Variants in PHKB observed in about 807,000 individuals in gnomAD.
The protein encoded by PHKB is phosphorylase b kinase regulatory subunit beta.
PHKB carries 122 observed loss-of-function variants against 152.1 expected under a neutral mutation model. The observed-to-expected ratio is 0.80, with a 90% CI of 0.69 to 0.93. The LOEUF (loss-of-function observed/expected upper bound fraction) is 0.93, where lower values mean the gene tolerates loss of function less well. Among genes scored for constraint, PHKB ranks in the 40% least tolerant of loss-of-function variants. The pLI is 0.00. For synonymous variants in PHKB, 436 were observed against 464.9 expected, an observed-to-expected ratio of 0.94 and a Z score of 0.80; for missense variants, 1,304 against 1,328.4, an observed-to-expected ratio of 0.98 and a Z score of 0.29.
At position 47,700,737 on chromosome 16, in the gene PHKB, A is replaced by C. The variant is rs935197869; in HGVS notation, c.*1371A>C. ...TTGTTTTTCTGATCAATCTTACTGG[A>C]GTTTCACCTGAGAAGATAGATTTGT... is the stretch of plus-strand genomic sequence containing the variant. On this transcript the variant is annotated 3_prime_UTR_variant, in exon 31 of 31. Transcript: ENST00000323584. 2 of 152,120 alleles carry C rather than the reference A, an allele frequency of 1.3e-5. No homozygotes were observed. The highest frequency in any genetic ancestry group is 2.9e-5 in the Non-Finnish European group (2 of 67,998). 9.4% of individuals were successfully genotyped at this position (152,120 alleles called of 1,614,324 possible). A position where few individuals can be genotyped will look rare whatever the true frequency, so the allele number is the denominator to read the frequency against.
intron 6 of PHKB, among the ~76,000 whole-genome samples, chr16:47,537,963 C>T (rs1970982624): frequency 1.3e-5 from 2 of 151,994 alleles, no homozygotes; most frequent in South Asian, 4.1e-4. Context: ...GGCGTGATCA[C>T]AGCTCACTGT....
At chr16:47,658,278 T>G (rs1357204131) in intron 20 of PHKB, among the ~76,000 whole-genome samples, 1 of 152,166 alleles carries the variant, frequency 6.6e-6, no homozygotes, top group Non-Finnish European at 1.5e-5. Flanking sequence ...TCCATATCAT[T>G]GACTATAGTC....
In PHKB at chr16:47,594,176, A is replaced by G; in HGVS notation, c.1166A>G (p.Gln389Arg). ...RGNPKQVQEY[Q>R]DLLTPVLHHT... ...AATCCTAAGCAAGTACAGGAATATC[A>G]GGATCTTTTGACTCCAGTACTTCAT... Residue 389 changes from glutamine (Q) to arginine (R), a missense_variant, in exon 12 of 31, where the codon CAG becomes CGG. Gln to Arg is a conservative substitution (Grantham distance 43). Transcript: ENST00000323584. 6.3e-7 allele frequency: 1 copy of G among 1,582,820 alleles called. No individual in the cohort carries two copies. Among genetic ancestry groups the G allele is most frequent in the Non-Finnish European group, 8.7e-7 (1 of 1,151,834 alleles).
chr16:47,641,123 G>T (rs945070911), intron 15 of PHKB, 33 bp downstream of exon 15: 2 of 1,556,116 alleles, frequency 1.3e-6, no homozygotes, highest in African/African-American at 1.4e-5. Context: ...GTGTTTTTTT[G>T]TGGGGAGGGG....
chr16:47,611,205 C>T (rs1420215792), intron 14 of PHKB, among the ~76,000 whole-genome samples: 1 of 152,146 alleles, frequency 6.6e-6, no homozygotes, highest in Non-Finnish European at 1.5e-5. Context: ...ATCTGGGTGG[C>T]AGGAGGACCA....
chr16:47,634,488 A>G (rs1349052647), intron 14 of PHKB, among the ~76,000 whole-genome samples: 1 of 152,074 alleles, frequency 6.6e-6, no homozygotes, highest in Admixed American at 6.6e-5. Flanking sequence ...AATGAATAAC[A>G]ATAAATGATA....
intron 13 of PHKB, among the ~76,000 whole-genome samples, chr16:47,610,159 A>ATTTTTTTTTTTTTT (rs371224839): frequency 3.7e-4 from 37 of 99,430 alleles, no homozygotes; most frequent in African/African-American, 8.2e-4. Flanking sequence ...TGCCCAGCTA[A>ATTTTTTTTTTTTTT]TTTTTTTTTT....
intron 13 of PHKB, among the ~76,000 whole-genome samples, chr16:47,609,931 T>G (rs1190515333): frequency 1.3e-5 from 2 of 151,934 alleles, no homozygotes; most frequent in African/African-American, 4.8e-5. Flanking sequence ...CTAATCTTTA[T>G]TATTTCCTTC....
At chr16:47,511,043 T>A (rs1470445928) in intron 4 of PHKB, among the ~76,000 whole-genome samples, 1 of 152,182 alleles carries the variant, frequency 6.6e-6, no homozygotes, top group African/African-American at 2.4e-5. Flanking sequence ...GTTGGATTAT[T>A]TAGGTATTTA....
At chr16:47,618,031 G>C (rs1461222375) in intron 14 of PHKB, among the ~76,000 whole-genome samples, 1 of 152,162 alleles carries the variant, frequency 6.6e-6, no homozygotes, top group African/African-American at 2.4e-5. Context: ...ATTCACTTCC[G>C]CTTCTCCCAC....
intron 11 of PHKB, 21 bp downstream of exon 11, chr16:47,593,578 A>C (rs771939640): frequency 7.5e-7 from 1 of 1,339,272 alleles, no homozygotes; most frequent in South Asian, 1.2e-5. Flanking sequence ...TTTTTCCTGA[A>C]ATTTAAGCAA....
intron 14 of PHKB, among the ~76,000 whole-genome samples, chr16:47,636,947 G>A (rs1050756837): frequency 3.3e-5 from 5 of 152,150 alleles, no homozygotes; most frequent in East Asian, 1.9e-4. Flanking sequence ...ACCCATGGCC[G>A]CCCATGGACC....
intron 25 of PHKB, chr16:47,665,325 G>A (rs961201458): frequency 4.0e-6 from 1 of 251,658 alleles, no homozygotes; most frequent in African/African-American, 2.3e-5. Flanking sequence ...TGCATGTGCT[G>A]TACTTTAAAA....
At chr16:47,476,793 C>G (rs1357259734) in intron 1 of PHKB, among the ~76,000 whole-genome samples, 2 of 152,310 alleles carry the variant, frequency 1.3e-5, no homozygotes, top group African/African-American at 2.4e-5. Flanking sequence ...TACTCCCTGT[C>G]TAGCAGTCAT....
At chr16:47,557,768 AC>A (rs1225501707) in intron 7 of PHKB, among the ~76,000 whole-genome samples, 10 of 152,160 alleles carry the variant, frequency 6.6e-5, no homozygotes, top group Admixed American at 3.9e-4. Flanking sequence ...AAATAGGAAC[AC>A]TTTTACACTG....
At chr16:47,556,313 G>T (rs1259957153) in intron 7 of PHKB, among the ~76,000 whole-genome samples, 1 of 152,174 alleles carries the variant, frequency 6.6e-6, no homozygotes, top group East Asian at 1.9e-4. Flanking sequence ...ATGTTGAATA[G>T]GAGTGGTGAG....
intron 1 of PHKB, 102 bp downstream of exon 1, chr16:47,461,528 G>GTGC: frequency 8.6e-7 from 1 of 1,158,854 alleles, no homozygotes; most frequent in Non-Finnish European, 1.3e-6. Context: ...GAATGAACCT[G>GTGC]TGCCCCGAGT....
At chr16:47,566,560 T>C in intron 7 of PHKB, 2 of 1,568,654 alleles carry the variant, frequency 1.3e-6, no homozygotes, top group Non-Finnish European at 8.7e-7. Flanking sequence ...AAGAATTCTT[T>C]AATGTACTCT....
intron 8 of PHKB, among the ~76,000 whole-genome samples, chr16:47,586,451 CAGATTTTAAAA>C (rs1353847956): frequency 6.6e-6 from 1 of 152,142 alleles, no homozygotes. Context: ...ATTTACTTGT[CAGATTTTAAAA>C]AGATTTTAAA....
Sources: gnomAD v4.1 joint callset for allele counts (sites outside exome capture counted in the v4.1 genomes callset) on GRCh38, gnomAD v4.1.1 for gene constraint, MANE v1.5 for transcripts, NCBI Gene and HGNC (gene_info 2026-07-23, HGNC 2026-07-21) for gene names.